CNTRL: variants seen among roughly 807,000 people sequenced by gnomAD.
CNTRL encodes centriolin.
In CNTRL, 233 loss-of-function variants were observed where a neutral mutation model predicts 303.7. The ratio of observed to expected loss-of-function variants is 0.77; its 90% CI spans 0.69 to 0.86. The LOEUF (loss-of-function observed/expected upper bound fraction) is 0.86. Among genes scored for constraint, CNTRL ranks in the 40% least tolerant of loss-of-function variants. The pLI, the probability that CNTRL is intolerant of heterozygous loss-of-function variation, is 0.00. For synonymous variants in CNTRL, 900 were observed against 922.2 expected (o/e 0.98, Z 0.44); for missense variants, 2,524 against 2,650.6 (o/e 0.95, Z 1.05).
intron 15 of CNTRL, among the ~76,000 whole-genome samples, chr9:121,137,072 C>T (rs2133896862): frequency 6.6e-6 from 1 of 152,124 alleles, no homozygotes; most frequent in South Asian, 2.1e-4. Flanking sequence ...CGTATGCCTC[C>T]AGGATGCCAG....
chr9:121,084,187 G>T (rs2048256043), intron 2 of CNTRL, among the ~76,000 whole-genome samples: 1 of 152,110 alleles, frequency 6.6e-6, no homozygotes, highest in Non-Finnish European at 1.5e-5. Flanking sequence ...CCTTGCTCGA[G>T]ATCTATACAT....
At chr9:121,169,245 G>A (rs2053211563) in intron 38 of CNTRL, among the ~76,000 whole-genome samples, 1 of 152,194 alleles carries the variant, frequency 6.6e-6, no homozygotes, top group Non-Finnish European at 1.5e-5. Context: ...GTGGAAGGAA[G>A]TAGTACTGGT....
intron 7 of CNTRL, among the ~76,000 whole-genome samples, chr9:121,103,387 C>G (rs2049283525): frequency 6.6e-6 from 1 of 152,144 alleles, no homozygotes; most frequent in Admixed American, 6.5e-5. Context: ...ACACCTTATA[C>G]AAAAATTAAT....
intron 10 of CNTRL, among the ~76,000 whole-genome samples, chr9:121,114,691 C>T (rs1460978271): frequency 6.6e-6 from 1 of 152,132 alleles, no homozygotes; most frequent in Non-Finnish European, 1.5e-5. Context: ...TGAATTCCAT[C>T]ATAAAGCATT....
intron 14 of CNTRL, among the ~76,000 whole-genome samples, chr9:121,131,228 G>A (rs1041233776): frequency 1.3e-5 from 2 of 152,114 alleles, no homozygotes; most frequent in Non-Finnish European, 2.9e-5. Context: ...ATTGACAGTG[G>A]GGTGTTAAAG....
chr9:121,088,247 G>A, intron 2 of CNTRL, 49 bp from the exon 3 acceptor site: 1 of 898,320 alleles, frequency 1.1e-6, no homozygotes, highest in Non-Finnish European at 1.8e-6. Context: ...GAATAGTTTT[G>A]ATAACTCTTA....
chr9:121,177,209 T>C lies in CNTRL; in HGVS notation c.*23T>C. The C allele has an allele frequency of 6.3e-7, 1 of 1,599,520 alleles. No homozygotes were observed. Among genetic ancestry groups the C allele is most frequent in the East Asian group, 2.2e-5 (1 of 44,538 alleles). On this transcript the variant is annotated 3_prime_UTR_variant, in exon 44 of 44. Coordinates refer to ENST00000373855, the MANE Select transcript of CNTRL (RefSeq NM_007018.6). ...TGAGGAATACTGTCTTGTGTAAATA[T>C]ATTCAAGGAAAACACCTCCACTACC... is the stretch of plus-strand genomic sequence containing the variant.
rs116903878 is a variant in CNTRL, at chr9:121,173,540, C to A, written c.6684+31C>A. The A allele has an allele frequency of 9.3e-6, 15 of 1,610,314 alleles. No homozygotes were observed. In the South Asian group the frequency reaches 1.7e-4, roughly 18 times the overall value. ...GGTTTATCCTGCTATTCTCTGGGTT[C>A]GTAGGATTGACCACCTCCCCCAGCT... On this transcript the variant is annotated intron_variant, in intron 41 of 43. Coordinates refer to ENST00000373855, the MANE Select transcript of CNTRL (RefSeq NM_007018.6).
chr9:121,133,528 G>C (rs1206311053), intron 14 of CNTRL, among the ~76,000 whole-genome samples: 1 of 152,240 alleles, frequency 6.6e-6, no homozygotes. Flanking sequence ...AGAGTGTCCT[G>C]TTTTTCCAGG....
intron 12 of CNTRL, chr9:121,121,753 G>A (rs1220842604): frequency 1.1e-5 from 11 of 984,618 alleles, no homozygotes; most frequent in Non-Finnish European, 1.2e-5. Flanking sequence ...GTGATTGGAT[G>A]GGCGGGGCCG....
intron 43 of CNTRL, 190 bp downstream of exon 43, chr9:121,175,414 A>G: frequency 1.6e-6 from 1 of 610,296 alleles, no homozygotes; most frequent in Non-Finnish European, 3.0e-6. Flanking sequence ...CTACAGGCAC[A>G]CACCACTTGG....
At chr9:121,125,066 C>G (rs1055303006) in intron 13 of CNTRL, among the ~76,000 whole-genome samples, 1 of 151,908 alleles carries the variant, frequency 6.6e-6, no homozygotes, top group African/African-American at 2.4e-5. Flanking sequence ...ATTTATGTTG[C>G]CAGTCTTGGA....
Position 121,118,355 on chromosome 9 carries a change from G to A in CNTRL, c.1465G>A (p.Ala489Thr), listed in dbSNP as rs752071201. ...GGTTTGGGGAGATTAGATTTCAGAA[G>A]CAGGGAAAGACCTTCTTTACAAGCA... is the stretch of plus-strand genomic sequence containing the variant. ...EAIQLKKISE[A>T]GKDLLYKQLS... is the part of the protein sequence containing the mutation. Residue 489 changes from alanine (A) to threonine (T), a missense_variant, in exon 12 of 44, where the codon GCA (alanine) becomes ACA (threonine). Coordinates refer to ENST00000373855, the MANE Select transcript of CNTRL (RefSeq NM_007018.6). 6.3e-6 allele frequency: 10 copies of A among 1,581,976 alleles called. No individual in the cohort carries two copies. The South Asian group carries it at 1.2e-4, about 18-fold the overall frequency.
chr9:121,157,952 G>T (rs2052662091), intron 29 of CNTRL, 31 bp from the exon 30 acceptor site: 1 of 1,614,074 alleles, frequency 6.2e-7, no homozygotes, highest in South Asian at 1.1e-5. Flanking sequence ...AGTCCCTTAG[G>T]ATCTGCTCTA....
At chr9:121,165,871 GTA>G (rs1024102103) in intron 35 of CNTRL, among the ~76,000 whole-genome samples, 1 of 152,170 alleles carries the variant, frequency 6.6e-6, no homozygotes, top group Non-Finnish European at 1.5e-5. Context: ...AGTATTATCT[GTA>G]ATTTTTTCGT....
At chr9:121,089,445 T>G (rs896681040) in intron 3 of CNTRL, among the ~76,000 whole-genome samples, 3 of 152,166 alleles carry the variant, frequency 2.0e-5, no homozygotes, top group African/African-American at 7.2e-5. Flanking sequence ...TAGGGCTACT[T>G]TTGTAAAATG....
chr9:121,173,555 C>T (rs1354193608), intron 41 of CNTRL, 46 bp downstream of exon 41: 9 of 1,609,628 alleles, frequency 5.6e-6, no homozygotes, highest in Non-Finnish European at 6.8e-6. Flanking sequence ...GATTGACCAC[C>T]TCCCCCAGCT....
chr9:121,160,385 C>CA, intron 32 of CNTRL, 83 bp downstream of exon 32: 2 of 1,028,496 alleles, frequency 1.9e-6, no homozygotes, highest in South Asian at 3.0e-5. Context: ...AACAAATGGC[C>CA]AAAAAAACTT....
At position 121,080,461 on chromosome 9, in the gene CNTRL, G is replaced by A. The variant is rs920442784; in HGVS notation, c.-49G>A. ...TGCAAGTATACATACCGTGCCTGACGAAATATCACAATATTTGGTGCGTGG... is the reference window on the plus strand; with the variant it reads ...TGCAAGTATACATACCGTGCCTGACAAAATATCACAATATTTGGTGCGTGG... On this transcript the variant is annotated 5_prime_UTR_variant, in exon 2 of 44. Coordinates refer to ENST00000373855, the MANE Select transcript of CNTRL (RefSeq NM_007018.6). The A allele has an allele frequency of 3.9e-5, 6 of 152,106 alleles. No homozygotes were observed. Among genetic ancestry groups the A allele is most frequent in the Non-Finnish European group, 2.9e-5 (2 of 68,022 alleles). The allele number at this position is 152,106 out of a possible 1,614,324, so 9.4% of individuals were successfully genotyped here.
Sources: allele counts gnomAD v4.1 joint callset (sites outside exome capture counted in the v4.1 genomes callset), GRCh38; gene constraint gnomAD v4.1.1; transcripts MANE v1.5; gene names NCBI Gene and HGNC (gene_info 2026-07-23, HGNC 2026-07-21).